Variants in HEXIM1 observed in about 807,000 individuals in gnomAD.
HEXIM1 encodes the protein HEXIM P-TEFb complex subunit 1, also known as protein HEXIM1.
In HEXIM1, 1 loss-of-function variant was observed where a neutral mutation model predicts 30.3. That is an observed-to-expected ratio of 0.03 (90% CI 0.01 to 0.16). HEXIM1 has a LOEUF of 0.16. Among genes scored for constraint, HEXIM1 ranks in the 10% least tolerant of loss-of-function variants. The pLI is 1.00. For synonymous variants in HEXIM1, 245 were observed against 208.3 expected (o/e 1.18, Z -1.52); for missense variants, 391 against 476.4 (o/e 0.82, Z 1.67).
rs979334064 is a variant in HEXIM1, at chr17:45,150,099, C to T, written c.909C>T (p.Asp303=). 1.2e-6 allele frequency: 2 copies of T among 1,613,680 alleles called. No individual in the cohort carries two copies. ...AGAAGTGCCTCTCGCGCATGGAGGA[C>T]GAGAACAACCGGCTGCGGCTGGAGA... The part of the protein sequence containing the change: ...ELEKCLSRME[D]ENNRLRLESK... The change falls in exon 1 of 1, where the codon GAC becomes GAT. Residue 303 remains aspartate, a synonymous_variant. Coordinates refer to ENST00000332499, the MANE Select transcript of HEXIM1 (RefSeq NM_006460.3).
In HEXIM1 at chr17:45,149,131, A is replaced by AT. The variant is rs2055526601; in HGVS notation, c.-53dup. On this transcript the variant is annotated 5_prime_UTR_variant, in exon 1 of 1. Transcript: ENST00000332499. This position sits in a 1 kb window ranked among gnomAD's most constrained non-coding sequence, Gnocchi z 5.3. ...TTTTTCTTTTTTTTAAGAAAAACCC[A>AT]TTTTTTTCCTTAAGGACTTACTAGC... is the stretch of plus-strand genomic sequence containing the variant. 15 of 1,427,696 alleles carry AT rather than the reference A, an allele frequency of 1.1e-5. 1 individual carries two copies. The highest frequency in any genetic ancestry group is 9.2e-5 in the African/African-American group (6 of 64,962). 88.4% of individuals were successfully genotyped at this position (1,427,696 alleles called of 1,614,324 possible).
Position 45,148,602 on chromosome 17 carries a change from A to T in HEXIM1, c.-589A>T. ...AGGAGGAGGCGGAGGAGAACTGAGC[A>T]GAGCAGAGCATCGAGCCAAAGGGGA... On this transcript the variant is annotated 5_prime_UTR_variant, in exon 1 of 1. Transcript: ENST00000332499. 2.5e-6 allele frequency: 1 copy of T among 399,450 alleles called. No individual in the cohort carries two copies. Among genetic ancestry groups the T allele is most frequent in the Non-Finnish European group, 4.4e-6 (1 of 226,418 alleles). The allele number at this position is 399,450 out of a possible 1,614,324, so 24.7% of individuals were successfully genotyped here. A position where few individuals can be genotyped will look rare whatever the true frequency, so the allele number is the denominator to read the frequency against.
Position 45,148,486 on chromosome 17 carries a change from G to A in HEXIM1, c.-705G>A. ...GAGGACTGGGAGACAGCAGTTGGAA[G>A]TTGGCAGGTGGAGAGGCAGGTTGGG... On this transcript the variant is annotated 5_prime_UTR_variant, in exon 1 of 1. Coordinates refer to ENST00000332499, the MANE Select transcript of HEXIM1 (RefSeq NM_006460.3). The A allele has an allele frequency of 2.5e-6, 1 of 398,436 alleles. No homozygotes were observed. Among genetic ancestry groups the A allele is most frequent in the Non-Finnish European group, 4.4e-6 (1 of 225,992 alleles). The allele number at this position is 398,436 out of a possible 1,614,324, so 24.7% of individuals were successfully genotyped here.
At position 45,149,018 on chromosome 17, in the gene HEXIM1, T is replaced by C; in HGVS notation, c.-173T>C. 6.2e-6 allele frequency: 4 copies of C among 645,136 alleles called. No homozygotes were observed. The highest frequency in any genetic ancestry group is 2.3e-5 in the South Asian group (1 of 44,064). The allele number at this position is 645,136 out of a possible 1,614,324, so 40.0% of individuals were successfully genotyped here. Reference sequence around the variant, plus strand: ...CTGACTTGAGCTCCCCAGATTGCAGTTGGAGTTTGCTGATAGAAGGACTAG... The same window carrying C: ...CTGACTTGAGCTCCCCAGATTGCAGCTGGAGTTTGCTGATAGAAGGACTAG... On this transcript the variant is annotated 5_prime_UTR_variant, in exon 1 of 1. Coordinates refer to ENST00000332499, the MANE Select transcript of HEXIM1 (RefSeq NM_006460.3). This position sits in a 1 kb window ranked among gnomAD's most constrained non-coding sequence, Gnocchi z 5.3.
rs1361816950 is a variant in HEXIM1 at position 45,148,899 on chromosome 17, GT to G, written c.-289del. 5 of 449,976 alleles carry G rather than the reference GT, an allele frequency of 1.1e-5. No individual in the cohort carries two copies. Among genetic ancestry groups the G allele is most frequent in the Non-Finnish European group, 2.0e-5 (5 of 255,726 alleles). The allele number at this position is 449,976 out of a possible 1,614,324, so 27.9% of individuals were successfully genotyped here. ...CTTTATTGGGGTGCTCCGCTTGGAG[GT>G]TTGAGGCCCACCTCCGCCCATTACG... On this transcript the variant is annotated 5_prime_UTR_variant, in exon 1 of 1. Transcript: ENST00000332499.
chr17:45,149,451 G>C lies in HEXIM1; in HGVS notation c.261G>C (p.Glu87Asp). The part of the protein sequence containing the change: ...QACPESSCLR[E>D]GEKGQNGDDS... ...GTCCAGAATCTAGCTGCCTGAGAGAGGGCGAGAAGGGCCAGAATGGGGACG... is the reference window on the plus strand; with the variant it reads ...GTCCAGAATCTAGCTGCCTGAGAGACGGCGAGAAGGGCCAGAATGGGGACG... Residue 87 changes from glutamate to aspartate, a missense_variant, in exon 1 of 1, where the codon GAG (glutamate) becomes GAC (aspartate). Around this residue, in one of 5 missense-constraint regions of HEXIM1, gnomAD observed 230 missense variants for 199.4 expected, o/e 1.15. Coordinates refer to ENST00000332499, the MANE Select transcript of HEXIM1 (RefSeq NM_006460.3). This position sits in a 1 kb window ranked among gnomAD's most constrained non-coding sequence, Gnocchi z 5.3. 3 of 1,612,848 alleles carry C rather than the reference G, an allele frequency of 1.9e-6. No individual in the cohort carries two copies. Among genetic ancestry groups the C allele is most frequent in the Non-Finnish European group, 1.7e-6 (2 of 1,179,796 alleles).
Position 45,149,451 on chromosome 17 carries a change from G to A in HEXIM1, c.261G>A (p.Glu87=), listed in dbSNP as rs770594246. ...QACPESSCLR[E]GEKGQNGDDS... is the part of the protein sequence containing the mutation. The stretch of plus-strand genomic sequence containing the variant: ...GTCCAGAATCTAGCTGCCTGAGAGA[G>A]GGCGAGAAGGGCCAGAATGGGGACG... The change falls in exon 1 of 1, where the codon GAG becomes GAA. Residue 87 remains glutamate (E), a synonymous_variant. Coordinates refer to ENST00000332499, the MANE Select transcript of HEXIM1 (RefSeq NM_006460.3). This position sits in a 1 kb window ranked among gnomAD's most constrained non-coding sequence, Gnocchi z 5.3. The A allele has an allele frequency of 2.5e-6, 4 of 1,612,848 alleles. No homozygotes were observed. The Admixed American group carries it at 5.0e-5, about 20-fold the overall frequency.
chr17:45,150,239 A>C lies in HEXIM1; in HGVS notation c.1049A>C (p.Glu350Ala). 1 of 1,609,008 alleles carries C rather than the reference A, an allele frequency of 6.2e-7. No homozygotes were observed. The highest frequency in any genetic ancestry group is 8.5e-7 in the Non-Finnish European group (1 of 1,176,602). The change falls in exon 1 of 1, where the codon GAG becomes GCG. Residue 350 changes from glutamate to alanine, a missense_variant. This residue lies in a region of HEXIM1 where 73 missense variants were observed against 80.9 expected (regional missense o/e 0.90). Coordinates refer to ENST00000332499, the MANE Select transcript of HEXIM1 (RefSeq NM_006460.3). ...GAGAACGAACTGCACCGGCAGCAGG[A>C]GCGAGCGCCGCTTTCCAAGTTTGGA... ...LTENELHRQQERAPLSKFGD is the reference protein window; with the variant it reads ...LTENELHRQQARAPLSKFGD
rs1044716241 is a variant in HEXIM1, at chr17:45,149,032, TAGA to T, written c.-156_-154del. 79 of 710,808 alleles carry T rather than the reference TAGA, an allele frequency of 1.1e-4. 2 individuals are homozygous for T. The Admixed American group carries it at 2.0e-3, about 18-fold the overall frequency. 44.0% of individuals were successfully genotyped at this position (710,808 alleles called of 1,614,324 possible). On this transcript the variant is annotated 5_prime_UTR_variant, in exon 1 of 1. Transcript: ENST00000332499. This position sits in a 1 kb window ranked among gnomAD's most constrained non-coding sequence, Gnocchi z 5.3. Reference sequence around the variant, plus strand: ...CCAGATTGCAGTTGGAGTTTGCTGATAGAAGGACTAGCTAAAGGCGTCACTGCA... The same window carrying T: ...CCAGATTGCAGTTGGAGTTTGCTGATAGGACTAGCTAAAGGCGTCACTGCA...
Position 45,150,140 on chromosome 17 carries a change from GCGA to G in HEXIM1, c.956_958del (p.Asp319del), listed in dbSNP as rs755009024. 5.6e-6 allele frequency: 9 copies of G among 1,613,572 alleles called. No homozygotes were observed. The South Asian group carries it at 9.9e-5, about 18-fold the overall frequency. On this transcript the variant is annotated inframe_deletion, in exon 1 of 1. Transcript: ENST00000332499. ...CGGCTGGAGAGCAAGCGGCTGGGTG[GCGA>G]CGACGCGCGTGTGCGGGAGCTGGAG...
Position 45,149,499 on chromosome 17 carries a change from C to T in HEXIM1, c.309C>T (p.Phe103=), listed in dbSNP as rs753721065. 7.5e-6 allele frequency: 12 copies of T among 1,609,514 alleles called. No individual in the cohort carries two copies. The highest frequency in any genetic ancestry group is 7.6e-6 in the Non-Finnish European group (9 of 1,178,570). The change falls in exon 1 of 1, where the codon TTC becomes TTT. Residue 103 remains phenylalanine, a synonymous_variant. Coordinates refer to ENST00000332499, the MANE Select transcript of HEXIM1 (RefSeq NM_006460.3). This position sits in a 1 kb window ranked among gnomAD's most constrained non-coding sequence, Gnocchi z 5.3. ...ACGACTCGTCCGCTGGCGGCGACTTCCCGCCGCCGGCAGAAGTGGAACCGA... is the reference window on the plus strand; with the variant it reads ...ACGACTCGTCCGCTGGCGGCGACTTTCCGCCGCCGGCAGAAGTGGAACCGA... ...NGDDSSAGGD[F]PPPAEVEPTP...
rs1426828290 is a variant in HEXIM1 at position 45,150,457 on chromosome 17, AT to A, written c.*188del. ...CGTGCTTTCTCCTGTTCTTTTAATT[AT>A]GTGAAACTGAAGAGTTGCTTTTCTT... On this transcript the variant is annotated 3_prime_UTR_variant, in exon 1 of 1. Transcript: ENST00000332499. The A allele has an allele frequency of 5.3e-5, 32 of 606,416 alleles. No individual in the cohort carries two copies. Among genetic ancestry groups the A allele is most frequent in the Non-Finnish European group, 8.4e-5 (30 of 356,032 alleles). 37.6% of individuals were successfully genotyped at this position (606,416 alleles called of 1,614,324 possible).
In HEXIM1 at chr17:45,149,519, A is replaced by T. The variant is rs1403587482; in HGVS notation, c.329A>T (p.Glu110Val). The T allele has an allele frequency of 6.2e-7, 1 of 1,608,488 alleles. No individual in the cohort carries two copies. Among genetic ancestry groups the T allele is most frequent in the Non-Finnish European group, 8.5e-7 (1 of 1,177,982 alleles). Residue 110 changes from glutamate (E) to valine (V), a missense_variant, in exon 1 of 1, where the codon GAA becomes GTA. Physicochemically the swap from Glu to Val is moderately radical, Grantham distance 121. Coordinates refer to ENST00000332499, the MANE Select transcript of HEXIM1 (RefSeq NM_006460.3). This position sits in a 1 kb window ranked among gnomAD's most constrained non-coding sequence, Gnocchi z 5.3. ...GGDFPPPAEV[E>V]PTPEAELLAQ... ...GACTTCCCGCCGCCGGCAGAAGTGG[A>T]ACCGACGCCCGAGGCCGAGCTGCTC...
chr17:45,149,960 G>A lies in HEXIM1; in HGVS notation c.770G>A (p.Gly257Glu). Residue 257 changes from glycine to glutamate, a missense_variant, in exon 1 of 1, where the codon GGG becomes GAG. By Grantham distance (98) the Gly-to-Glu change is moderately conservative. Around this residue, in one of 5 missense-constraint regions of HEXIM1, gnomAD observed 20 missense variants for 68.1 expected, o/e 0.29. Transcript: ENST00000332499. This position sits in a 1 kb window ranked among gnomAD's most constrained non-coding sequence, Gnocchi z 5.3. ...EEDGGSDGMG[G>E]DGSEFLQRDF... Reference sequence around the variant, plus strand: ...GATGGGGGCAGCGATGGGATGGGAGGGGACGGCAGCGAGTTTCTGCAGCGG... The same window carrying A: ...GATGGGGGCAGCGATGGGATGGGAGAGGACGGCAGCGAGTTTCTGCAGCGG... 1.9e-6 allele frequency: 3 copies of A among 1,614,028 alleles called. No homozygotes were observed. The highest frequency in any genetic ancestry group is 2.5e-6 in the Non-Finnish European group (3 of 1,180,010).
At position 45,150,103 on chromosome 17, in the gene HEXIM1, A is replaced by G; in HGVS notation, c.913A>G (p.Asn305Asp). Residue 305 changes from asparagine to aspartate, a missense_variant, in exon 1 of 1, where the codon AAC becomes GAC. This residue lies in a region of HEXIM1 where 73 missense variants were observed against 80.9 expected (regional missense o/e 0.90). Transcript: ENST00000332499. The stretch of plus-strand genomic sequence containing the variant: ...GTGCCTCTCGCGCATGGAGGACGAG[A>G]ACAACCGGCTGCGGCTGGAGAGCAA... ...EKCLSRMEDENNRLRLESKRL... is the reference protein window; with the variant it reads ...EKCLSRMEDEDNRLRLESKRL... The G allele has an allele frequency of 6.2e-7, 1 of 1,613,860 alleles. No individual in the cohort carries two copies. Among genetic ancestry groups the G allele is most frequent in the African/African-American group, 1.3e-5 (1 of 75,032 alleles).
Position 45,148,912 on chromosome 17 carries a change from C to T in HEXIM1, c.-279C>T. The T allele has an allele frequency of 2.2e-6, 1 of 454,244 alleles. No homozygotes were observed. The highest frequency in any genetic ancestry group is 3.9e-6 in the Non-Finnish European group (1 of 258,312). 28.1% of individuals were successfully genotyped at this position (454,244 alleles called of 1,614,324 possible). On this transcript the variant is annotated 5_prime_UTR_variant, in exon 1 of 1. Transcript: ENST00000332499. ...CTCCGCTTGGAGGTTTGAGGCCCAC[C>T]TCCGCCCATTACGTACTGTTCCTGC...
In HEXIM1 at chr17:45,150,134, T is replaced by A; in HGVS notation, c.944T>A (p.Leu315Gln). Reference sequence around the variant, plus strand: ...CGGCTGCGGCTGGAGAGCAAGCGGCTGGGTGGCGACGACGCGCGTGTGCGG... The same window carrying A: ...CGGCTGCGGCTGGAGAGCAAGCGGCAGGGTGGCGACGACGCGCGTGTGCGG... ...NNRLRLESKR[L>Q]GGDDARVREL... Residue 315 changes from leucine (L) to glutamine (Q), a missense_variant, in exon 1 of 1, where the codon CTG becomes CAG. Coordinates refer to ENST00000332499, the MANE Select transcript of HEXIM1 (RefSeq NM_006460.3). 6.2e-7 allele frequency: 1 copy of A among 1,613,472 alleles called. No individual in the cohort carries two copies. Among genetic ancestry groups the A allele is most frequent in the Non-Finnish European group, 8.5e-7 (1 of 1,179,988 alleles).
In HEXIM1 at chr17:45,149,038, G is replaced by A. The variant is rs963189855; in HGVS notation, c.-153G>A. 2.7e-6 allele frequency: 2 copies of A among 736,618 alleles called. No homozygotes were observed. Among genetic ancestry groups the A allele is most frequent in the Non-Finnish European group, 2.1e-6 (1 of 467,156 alleles). 45.6% of individuals were successfully genotyped at this position (736,618 alleles called of 1,614,324 possible). On this transcript the variant is annotated 5_prime_UTR_variant, in exon 1 of 1. Transcript: ENST00000332499. This position sits in a 1 kb window ranked among gnomAD's most constrained non-coding sequence, Gnocchi z 5.3. ...TGCAGTTGGAGTTTGCTGATAGAAG[G>A]ACTAGCTAAAGGCGTCACTGCAGGA...
At position 45,149,576 on chromosome 17, in the gene HEXIM1, A is replaced by G; in HGVS notation, c.386A>G (p.Lys129Arg). The change falls in exon 1 of 1, where the codon AAG becomes AGG. Residue 129 changes from lysine (K) to arginine (R), a missense_variant. Around this residue, in one of 5 missense-constraint regions of HEXIM1, gnomAD observed 230 missense variants for 199.4 expected, o/e 1.15. Transcript: ENST00000332499. This position sits in a 1 kb window ranked among gnomAD's most constrained non-coding sequence, Gnocchi z 5.3. ...AQPCHDSEAS[K>R]LGAPAAGGEE... is the part of the protein sequence containing the mutation. ...CCTTGTCATGACTCCGAGGCCAGTA[A>G]GTTGGGGGCTCCTGCCGCAGGGGGC... is the stretch of plus-strand genomic sequence containing the variant. 6.2e-7 allele frequency: 1 copy of G among 1,609,520 alleles called. No homozygotes were observed.
Sources: allele counts gnomAD v4.1 joint callset, GRCh38; gene constraint gnomAD v4.1.1; regional missense constraint gnomAD v4.1.1; non-coding constraint Gnocchi (gnomAD v3.1); transcripts MANE v1.5; gene names NCBI Gene and HGNC (gene_info 2026-07-23, HGNC 2026-07-21).